UBTF: variants seen among roughly 807,000 people sequenced by gnomAD.
UBTF encodes the protein nucleolar transcription factor 1.
Under a neutral mutation model 112.3 loss-of-function variants are expected in UBTF, and 8 were observed. That is an observed-to-expected ratio of 0.07 (90% CI 0.04 to 0.13). The LOEUF is 0.13. Among genes scored for constraint, UBTF ranks in the 10% least tolerant of loss-of-function variants. The probability of loss-of-function intolerance (pLI) is 1.00; values close to 1 mark genes in which losing one functional copy is unlikely to be tolerated. For synonymous variants in UBTF, 417 were observed against 373.1 expected (o/e 1.12, Z -1.36); for missense variants, 457 against 982.1 (o/e 0.47, Z 7.15).
At chr17:44,209,202 T>A in intron 17 of UBTF, 150 bp downstream of exon 17, 1 of 744,212 alleles carries the variant, frequency 1.3e-6, no homozygotes, top group Non-Finnish European at 2.1e-6. Context: ...AAAAGGGTGA[T>A]AGTGACCGTT....
intron 7 of UBTF, 30 bp downstream of exon 7, chr17:44,212,789 T>A (rs1420531012): frequency 6.2e-7 from 1 of 1,612,478 alleles, no homozygotes; most frequent in Non-Finnish European, 8.5e-7. Context: ...CCGTGCATCC[T>A]CCACCCCCAA....
chr17:44,208,036 C>G, intron 17 of UBTF, 125 bp from the exon 18 acceptor site: 1 of 1,236,092 alleles, frequency 8.1e-7, no homozygotes, highest in African/African-American at 1.5e-5. Flanking sequence ...CCCTCCCAGG[C>G]TCCCTAGATT....
rs483352703 is a variant in UBTF at position 44,207,459 on chromosome 17, C to T, written c.2164G>A (p.Asp722Asn). Residue 722 changes from aspartate (D) to asparagine (N), a missense_variant, in exon 20 of 21, where the codon GAT (aspartate) becomes AAT (asparagine). Asp to Asn is a conservative substitution (Grantham distance 23). Coordinates refer to ENST00000436088, the MANE Select transcript of UBTF (RefSeq NM_014233.4). Reference protein sequence around the residue: ...SSSEDESEDGDENEEDDEDED... With the variant: ...SSSEDESEDGNENEEDDEDED... ...CTGTGCCCTGTCTGCCCCACCTCAT[C>T]CCCATCCTCGCTCTCGTCCTCGCTG... 2 of 1,613,866 alleles carry T rather than the reference C, an allele frequency of 1.2e-6. No individual in the cohort carries two copies. The highest frequency in any genetic ancestry group is 1.1e-5 in the South Asian group (1 of 91,062).
At chr17:44,215,417 G>A (rs1183702486) in intron 5 of UBTF, 2 of 542,040 alleles carry the variant, frequency 3.7e-6, no homozygotes, top group Non-Finnish European at 3.3e-6. Context: ...TTCTGTAGGG[G>A]GAAAGGTTGG....
At chr17:44,219,871 C>T (rs1222546232), upstream of UBTF, 1 of 150,528 alleles carries the variant, frequency 6.6e-6, no homozygotes, top group East Asian at 2.0e-4. Context: ...CACACCGACC[C>T]CCGGGGAGCG....
rs778976162 is a variant in UBTF, at chr17:44,207,383, G to A, written c.2170-16C>T. The A allele has an allele frequency of 1.9e-6, 3 of 1,612,538 alleles. No homozygotes were observed. The highest frequency in any genetic ancestry group is 1.1e-5 in the South Asian group (1 of 90,946). On this transcript the variant is annotated splice_polypyrimidine_tract_variant and intron_variant, in intron 20 of 20. Coordinates refer to ENST00000436088, the MANE Select transcript of UBTF (RefSeq NM_014233.4). Reference sequence around the variant, plus strand: ...CCTCTTCATTCTGGGGGGTGAGAAAGGATGTGGAGTCACCAGGTGGCCCTC... The same window carrying A: ...CCTCTTCATTCTGGGGGGTGAGAAAAGATGTGGAGTCACCAGGTGGCCCTC...
intron 5 of UBTF, 98 bp downstream of exon 5, chr17:44,215,556 G>A (rs2046806787): frequency 6.7e-7 from 1 of 1,483,150 alleles, no homozygotes; most frequent in Non-Finnish European, 9.2e-7. Context: ...CCTCATCCCT[G>A]ATGCCAGGTT....
chr17:44,212,707 G>C lies in UBTF; in HGVS notation c.660+112C>G. The C allele has an allele frequency of 2.6e-6, 4 of 1,539,602 alleles. No individual in the cohort carries two copies. In the South Asian group the frequency reaches 5.0e-5, roughly 19 times the overall value. On this transcript the variant is annotated intron_variant, in intron 7 of 20. Coordinates refer to ENST00000436088, the MANE Select transcript of UBTF (RefSeq NM_014233.4). ...GGCCCTGTCCATGCAGCCCACCCCTGGGGAGGGGCCTCCTCTCCTGCTCCC... is the reference window on the plus strand; with the variant it reads ...GGCCCTGTCCATGCAGCCCACCCCTCGGGAGGGGCCTCCTCTCCTGCTCCC...
In UBTF at chr17:44,219,631, C is replaced by T; in HGVS notation, c.-254G>A. 17 of 162,866 alleles carry T rather than the reference C, an allele frequency of 1.0e-4. No homozygotes were observed. Among genetic ancestry groups the T allele is most frequent in the Non-Finnish European group, 2.2e-4 (17 of 77,826 alleles). The allele number at this position is 162,866 out of a possible 1,614,324, so 10.1% of individuals were successfully genotyped here. On this transcript the variant is annotated 5_prime_UTR_variant, in exon 1 of 21. Coordinates refer to ENST00000436088, the MANE Select transcript of UBTF (RefSeq NM_014233.4). The stretch of plus-strand genomic sequence containing the variant: ...GCTGCTGTGGCGGCGGCGGCGGCGG[C>T]GGCGGCTGTGGCTGCTGCCTGCTGC...
At chr17:44,208,456 A>T (rs529313811) in intron 17 of UBTF, among the ~76,000 whole-genome samples, 3 of 152,130 alleles carry the variant, frequency 2.0e-5, no homozygotes, top group Non-Finnish European at 2.9e-5. Context: ...TAAACCACTA[A>T]GACTATTGGT....
chr17:44,217,898 A>G (rs1212139570), intron 2 of UBTF, among the ~76,000 whole-genome samples: 1 of 152,064 alleles, frequency 6.6e-6, no homozygotes, highest in East Asian at 1.9e-4. Context: ...GCTGGGACAC[A>G]CTTCAGGCTG....
At chr17:44,216,386 G>T in intron 3 of UBTF, 143 bp downstream of exon 3, 2 of 981,500 alleles carry the variant, frequency 2.0e-6, no homozygotes, top group Non-Finnish European at 3.1e-6. Context: ...CTCCCAAAAT[G>T]CAAAGGGGCA....
intron 5 of UBTF, among the ~76,000 whole-genome samples, chr17:44,214,341 G>C (rs369362559): frequency 7.9e-5 from 12 of 152,304 alleles, no homozygotes; most frequent in African/African-American, 2.9e-4. Context: ...GGACCACACA[G>C]ACCTGGCTCA....
intron 15 of UBTF, among the ~76,000 whole-genome samples, 192 bp downstream of exon 15, chr17:44,209,932 G>A (rs896002262): frequency 2.0e-5 from 3 of 152,100 alleles, no homozygotes; most frequent in African/African-American, 4.8e-5. Context: ...ACAACTGCTC[G>A]CATCCTCCGA....
chr17:44,210,031 A>G, intron 15 of UBTF, 93 bp downstream of exon 15: 1 of 1,319,952 alleles, frequency 7.6e-7, no homozygotes, highest in Non-Finnish European at 1.1e-6. Context: ...TGAGAGTCAC[A>G]GACCAAGGCT....
At chr17:44,210,560 G>C in intron 13 of UBTF, 87 bp from the exon 14 acceptor site, 5 of 1,454,556 alleles carry the variant, frequency 3.4e-6, no homozygotes, top group Non-Finnish European at 4.5e-6. Context: ...TCCCGCCGGC[G>C]GGCAGAAGCA....
Position 44,206,965 on chromosome 17 carries a change from G to C in UBTF, c.*277C>G, listed in dbSNP as rs950197825. ...TGCCGGAACCGCAAGTGCAGAAGTGGGTGGGGTGGGCCAGGCTGGTCCGGT... is the reference window on the plus strand; with the variant it reads ...TGCCGGAACCGCAAGTGCAGAAGTGCGTGGGGTGGGCCAGGCTGGTCCGGT... On this transcript the variant is annotated 3_prime_UTR_variant, in exon 21 of 21. Coordinates refer to ENST00000436088, the MANE Select transcript of UBTF (RefSeq NM_014233.4). The C allele has an allele frequency of 5.9e-5, 31 of 525,454 alleles. No individual in the cohort carries two copies. The highest frequency in any genetic ancestry group is 4.9e-4 in the Middle Eastern group (1 of 2,034). The allele number at this position is 525,454 out of a possible 1,614,324, so 32.5% of individuals were successfully genotyped here.
At position 44,206,280 on chromosome 17, in the gene UBTF, A is replaced by G. The variant is rs987108405; in HGVS notation, c.*962T>C. The G allele has an allele frequency of 2.0e-5, 3 of 152,032 alleles. No individual in the cohort carries two copies. Among genetic ancestry groups the G allele is most frequent in the Non-Finnish European group, 4.4e-5 (3 of 67,976 alleles). The allele number at this position is 152,032 out of a possible 1,614,324, so 9.4% of individuals were successfully genotyped here. A position where few individuals can be genotyped will look rare whatever the true frequency, so the allele number is the denominator to read the frequency against. On this transcript the variant is annotated 3_prime_UTR_variant, in exon 21 of 21. Coordinates refer to ENST00000436088, the MANE Select transcript of UBTF (RefSeq NM_014233.4). ...CACACTCCCCCTAATGGAATCAGAG[A>G]CTGGGCAAAACAGAGGATGTGGAGA...
intron 5 of UBTF, 29 bp downstream of exon 5, chr17:44,215,625 T>G: frequency 1.9e-6 from 3 of 1,611,006 alleles, no homozygotes; most frequent in Non-Finnish European, 2.5e-6. Context: ...GCCTCTCCCC[T>G]CCTCCCACCT....
Sources: gnomAD v4.1 joint callset for allele counts (sites outside exome capture counted in the v4.1 genomes callset) on GRCh38, gnomAD v4.1.1 for gene constraint, MANE v1.5 for transcripts, NCBI Gene and HGNC (gene_info 2026-07-23, HGNC 2026-07-21) for gene names.